CYB5R4: variants seen among roughly 807,000 people sequenced by gnomAD.
CYB5R4 encodes the protein cytochrome b5 reductase 4.
Under a neutral mutation model 70.2 loss-of-function variants are expected in CYB5R4, and 55 were observed. That is an observed-to-expected ratio of 0.78 (90% CI 0.63 to 0.98). The LOEUF (loss-of-function observed/expected upper bound fraction) is 0.98. Among genes scored for constraint, CYB5R4 ranks in the 50% least tolerant of loss-of-function variants. The pLI is 0.00. For missense variants in CYB5R4, 562 were observed against 612.6 expected (o/e 0.92, Z 0.87); for synonymous variants, 197 against 199.5 (o/e 0.99, Z 0.11).
At chr6:83,921,054 ATCTT>A (rs1455204342) in intron 7 of CYB5R4, 24 bp from the exon 8 acceptor site, 3 of 1,430,070 alleles carry the variant, frequency 2.1e-6, no homozygotes, top group South Asian at 1.3e-5. Context: ...TTACTTTCTA[ATCTT>A]TCTATTTTTG....
At chr6:83,957,114 C>G (rs1285618819) in intron 15 of CYB5R4, among the ~76,000 whole-genome samples, 1 of 151,736 alleles carries the variant, frequency 6.6e-6, no homozygotes, top group African/African-American at 2.4e-5. Flanking sequence ...GTTAAACTCT[C>G]TCAACTTAAA....
chr6:83,905,298 C>G (rs930782656), intron 3 of CYB5R4, among the ~76,000 whole-genome samples: 1 of 152,246 alleles, frequency 6.6e-6, no homozygotes, highest in African/African-American at 2.4e-5. Flanking sequence ...CTCAGGTGAT[C>G]TTCCCGCCTC....
intron 2 of CYB5R4, among the ~76,000 whole-genome samples, chr6:83,881,492 T>C (rs1163109904): frequency 1.3e-5 from 2 of 152,224 alleles, no homozygotes; most frequent in Non-Finnish European, 2.9e-5. Flanking sequence ...CTGCTTCTTG[T>C]ATTGAATTCG....
intron 8 of CYB5R4, 118 bp downstream of exon 8, chr6:83,921,293 C>A: frequency 2.2e-6 from 2 of 910,084 alleles, no homozygotes; most frequent in Non-Finnish European, 3.1e-6. Context: ...TTTGGTTTGT[C>A]ATTTTTGATC....
At chr6:83,886,888 A>G (rs1352498061) in intron 2 of CYB5R4, among the ~76,000 whole-genome samples, 3 of 152,194 alleles carry the variant, frequency 2.0e-5, no homozygotes, top group Non-Finnish European at 2.9e-5. Context: ...TGCTCACAGT[A>G]ACGCTGTTAG....
chr6:83,859,842 C>CG lies in CYB5R4; in HGVS notation c.66dup (p.Arg23AlafsTer2), dbSNP rs750790143. 3.1e-6 allele frequency: 5 copies of CG among 1,612,818 alleles called. No homozygotes were observed. The highest frequency in any genetic ancestry group is 2.2e-5 in the South Asian group (2 of 90,832). On this transcript the variant is annotated frameshift_variant, in exon 1 of 16. Transcript: ENST00000369681. LOFTEE classifies it high-confidence loss of function. ...CCAGGTCGCAGCAGCGTGTCGCCTC[C>CG]GGGGGGCGTAGCAAGGTAAGCGGGT...
At chr6:83,913,721 G>T (rs1178810247) in intron 4 of CYB5R4, among the ~76,000 whole-genome samples, 1 of 152,010 alleles carries the variant, frequency 6.6e-6, no homozygotes, top group Non-Finnish European at 1.5e-5. Context: ...CTTTCCATTT[G>T]ACTACTTGAA....
intron 14 of CYB5R4, among the ~76,000 whole-genome samples, chr6:83,946,226 C>T (rs1329472511): frequency 4.6e-5 from 7 of 152,132 alleles, no homozygotes; most frequent in Non-Finnish European, 5.9e-5. Context: ...TTTTCCACCA[C>T]GATCAAGTGG....
chr6:83,913,079 A>G (rs1211447095), intron 4 of CYB5R4, among the ~76,000 whole-genome samples: 1 of 152,232 alleles, frequency 6.6e-6, no homozygotes, highest in African/African-American at 2.4e-5. Flanking sequence ...AATGAGATTT[A>G]TTAAACTGTT....
chr6:83,869,464 C>T (rs1216162045), intron 2 of CYB5R4, among the ~76,000 whole-genome samples: 6 of 152,156 alleles, frequency 3.9e-5, no homozygotes, highest in South Asian at 2.1e-4. Context: ...TGTTGCCCAG[C>T]GTGCACATTC....
intron 2 of CYB5R4, among the ~76,000 whole-genome samples, chr6:83,891,562 C>T (rs2099461130): frequency 1.3e-5 from 2 of 152,166 alleles, no homozygotes; most frequent in South Asian, 2.1e-4. Flanking sequence ...GTTTAAGTTT[C>T]ATAATTAGCA....
At position 83,859,713 on chromosome 6, in the gene CYB5R4, G is replaced by C; in HGVS notation, c.-70G>C. ...GGGGCTTGGCCTCTGCCCGGCCACAGAGCCGGAGCTGGAGGTGCTGTCCCG... is the reference window on the plus strand; with the variant it reads ...GGGGCTTGGCCTCTGCCCGGCCACACAGCCGGAGCTGGAGGTGCTGTCCCG... On this transcript the variant is annotated 5_prime_UTR_variant, in exon 1 of 16. Coordinates refer to ENST00000369681, the MANE Select transcript of CYB5R4 (RefSeq NM_016230.4). 6.4e-7 allele frequency: 1 copy of C among 1,554,328 alleles called. No homozygotes were observed. Among genetic ancestry groups the C allele is most frequent in the Non-Finnish European group, 8.8e-7 (1 of 1,135,126 alleles).
At chr6:83,861,947 G>A (rs1410411021) in intron 1 of CYB5R4, among the ~76,000 whole-genome samples, 6 of 152,140 alleles carry the variant, frequency 3.9e-5, no homozygotes, top group East Asian at 3.9e-4. Flanking sequence ...AATTAGTTTC[G>A]TTGTACATAG....
intron 1 of CYB5R4, among the ~76,000 whole-genome samples, chr6:83,862,136 A>G (rs1419568663): frequency 6.6e-6 from 1 of 152,228 alleles, no homozygotes; most frequent in Non-Finnish European, 1.5e-5. Flanking sequence ...AGGATTGTTC[A>G]TAGGATTCAA....
rs749995161 is a variant in CYB5R4, at chr6:83,934,649, C to T, written c.869C>T (p.Thr290Met). ...LISKEDVTHD[T>M]RLFCLMLPPS... ...TCCAAGGAAGATGTTACTCATGATA[C>T]GAGGCTTTTCTGTTTGATGCTGCCA... The change falls in exon 11 of 16, where the codon ACG (threonine) becomes ATG (methionine). Residue 290 changes from threonine to methionine, a missense_variant. Thr to Met is a moderately conservative substitution (Grantham distance 81, BLOSUM62 -1). Transcript: ENST00000369681. The T allele has an allele frequency of 3.1e-6, 5 of 1,612,964 alleles. No individual in the cohort carries two copies. Among genetic ancestry groups the T allele is most frequent in the South Asian group, 1.1e-5 (1 of 91,034 alleles).
chr6:83,954,974 G>C (rs1444132830), intron 14 of CYB5R4, among the ~76,000 whole-genome samples: 3 of 150,302 alleles, frequency 2.0e-5, no homozygotes, highest in African/African-American at 7.3e-5. Flanking sequence ...TCAAACTCCT[G>C]TTCTCAAACA....
At chr6:83,866,443 T>C (rs1439179398) in intron 2 of CYB5R4, among the ~76,000 whole-genome samples, 1 of 152,166 alleles carries the variant, frequency 6.6e-6, no homozygotes, top group Non-Finnish European at 1.5e-5. Flanking sequence ...AAATGCTCCA[T>C]TGAGTGTTTC....
chr6:83,889,808 A>G (rs2099460831), intron 2 of CYB5R4, among the ~76,000 whole-genome samples: 2 of 152,206 alleles, frequency 1.3e-5, no homozygotes, highest in African/African-American at 4.8e-5. Context: ...TCATGACAGA[A>G]GGCAAAGCAG....
At position 83,960,561 on chromosome 6, in the gene CYB5R4, T is replaced by C. The variant is rs780890645; in HGVS notation, c.*683T>C. The C allele has an allele frequency of 6.6e-6, 1 of 152,142 alleles. No homozygotes were observed. Among genetic ancestry groups the C allele is most frequent in the Non-Finnish European group, 1.5e-5 (1 of 68,026 alleles). The allele number at this position is 152,142 out of a possible 1,614,324, so 9.4% of individuals were successfully genotyped here. On this transcript the variant is annotated 3_prime_UTR_variant, in exon 16 of 16. Coordinates refer to ENST00000369681, the MANE Select transcript of CYB5R4 (RefSeq NM_016230.4). Reference sequence around the variant, plus strand: ...TTGGACTAGGTGTGTTAACAGAGCTTGAGAGAGGGAACCTTGACAGCTATT... The same window carrying C: ...TTGGACTAGGTGTGTTAACAGAGCTCGAGAGAGGGAACCTTGACAGCTATT...
Sources: allele counts gnomAD v4.1 joint callset (sites outside exome capture counted in the v4.1 genomes callset), GRCh38; gene constraint gnomAD v4.1.1; transcripts MANE v1.5; gene names NCBI Gene and HGNC (gene_info 2026-07-23, HGNC 2026-07-21).